ZFAND3: variants seen among roughly 807,000 people sequenced by gnomAD.
ZFAND3 encodes the protein AN1-type zinc finger protein 3.
In ZFAND3, 10 loss-of-function variants were observed where a neutral mutation model predicts 29.6. The ratio of observed to expected loss-of-function variants is 0.34; its 90% CI spans 0.21 to 0.57. The LOEUF (loss-of-function observed/expected upper bound fraction) is 0.57, where lower values mean the gene tolerates loss of function less well. ZFAND3 is among the 20% of genes least tolerant of loss of function. The pLI, the probability that ZFAND3 is intolerant of heterozygous loss-of-function variation, is 0.86. For missense variants in ZFAND3, 230 were observed against 304.5 expected (o/e 0.76, Z 1.82); for synonymous variants, 128 against 112.6 (o/e 1.14, Z -0.87).
At chr6:38,082,264 ACTACTTCTC>A in intron 3 of ZFAND3, 119 bp from the exon 4 acceptor site, 2 of 787,916 alleles carry the variant, frequency 2.5e-6, no homozygotes, top group Non-Finnish European at 4.0e-6. Flanking sequence ...CGTCTTTCCT[ACTACTTCTC>A]CTCGTTATAT....
At chr6:38,087,002 T>C (rs1764770970) in intron 4 of ZFAND3, among the ~76,000 whole-genome samples, 1 of 152,006 alleles carries the variant, frequency 6.6e-6, no homozygotes, top group Non-Finnish European at 1.5e-5. Context: ...TGTAGACCAA[T>C]GGAATGGAAT....
intron 2 of ZFAND3, among the ~76,000 whole-genome samples, chr6:37,945,175 C>CT (rs1761879726): frequency 6.6e-6 from 1 of 152,182 alleles, no homozygotes; most frequent in African/African-American, 2.4e-5. Flanking sequence ...AACCCACACT[C>CT]TGCTTTTCAG....
At chr6:37,834,572 C>T (rs1001522574) in intron 1 of ZFAND3, among the ~76,000 whole-genome samples, 3 of 152,166 alleles carry the variant, frequency 2.0e-5, no homozygotes, top group East Asian at 1.9e-4. Context: ...TAAGAAACTG[C>T]GAAACTCTAA....
intron 5 of ZFAND3, among the ~76,000 whole-genome samples, chr6:38,124,867 A>G (rs977283296): frequency 6.6e-6 from 1 of 152,206 alleles, no homozygotes; most frequent in South Asian, 2.1e-4. Flanking sequence ...GGCTGCCAGC[A>G]CGCTGTCACC....
At chr6:38,126,815 T>C (rs1765643923) in intron 5 of ZFAND3, among the ~76,000 whole-genome samples, 3 of 152,224 alleles carry the variant, frequency 2.0e-5, no homozygotes, top group Admixed American at 2.0e-4. Context: ...TTTAGGTGTT[T>C]CTCAGCCACA....
chr6:37,844,946 C>T (rs142161683), intron 1 of ZFAND3, among the ~76,000 whole-genome samples: 404 of 151,462 alleles, frequency 2.7e-3, no homozygotes, highest in African/African-American at 8.7e-3. Flanking sequence ...ATGGCATGAA[C>T]CCAGAAGGTG....
intron 4 of ZFAND3, among the ~76,000 whole-genome samples, chr6:38,087,824 A>G (rs1438125869): frequency 6.6e-6 from 1 of 152,228 alleles, no homozygotes; most frequent in Non-Finnish European, 1.5e-5. Context: ...CAGCCATTCC[A>G]CTGCTGGGTA....
chr6:37,994,302 G>A (rs1443073317), intron 2 of ZFAND3, among the ~76,000 whole-genome samples: 1 of 152,086 alleles, frequency 6.6e-6, no homozygotes, highest in Non-Finnish European at 1.5e-5. Context: ...CTTTTGTTTG[G>A]TTTTTATTTT....
rs1435589554 is a variant in ZFAND3 at position 37,840,589 on chromosome 6, G to GTC, written c.71+20573_71+20574insTC. ...CATCAGCTTGTCAGCTTGTCAGCTT[G>GTC]ATCAGCTTGTCAGCTTCTGCAAAAA... is the stretch of plus-strand genomic sequence containing the variant. On this transcript the variant is annotated intron_variant, in intron 1 of 5. Transcript: ENST00000287218. 4.6e-5 allele frequency among the ~76,000 whole-genome samples: 7 copies of GTC among 152,218 alleles called. No homozygotes were observed. In the East Asian group the frequency reaches 1.4e-3, roughly 29 times the overall value.
At position 38,073,449 on chromosome 6, in the gene ZFAND3, A is replaced by G. The variant is rs530725594; in HGVS notation, c.296-8943A>G. Among the ~76,000 whole-genome samples the G allele has an allele frequency of 7.9e-5, 12 of 152,174 alleles. No individual in the cohort carries two copies. The East Asian group carries it at 2.3e-3, about 29-fold the overall frequency. On this transcript the variant is annotated intron_variant, in intron 3 of 5. Transcript: ENST00000287218. ...CAAATGATGCAAATCTAGAAATCGG[A>G]GTTGAGCCTTAGTTAAGCCTGTAAA...
intron 2 of ZFAND3, among the ~76,000 whole-genome samples, chr6:37,940,133 G>T (rs949581105): frequency 6.6e-6 from 1 of 152,142 alleles, no homozygotes; most frequent in African/African-American, 2.4e-5. Context: ...GTATCAGAAT[G>T]ACCAGGCTTA....
chr6:37,983,598 A>G (rs1229617529), intron 2 of ZFAND3, among the ~76,000 whole-genome samples: 6 of 151,922 alleles, frequency 3.9e-5, no homozygotes, highest in Admixed American at 2.6e-4. Context: ...ACCTCAGGTG[A>G]TCCACCCGCC....
At chr6:38,072,646 T>TG (rs2127467568) in intron 3 of ZFAND3, among the ~76,000 whole-genome samples, 1 of 151,804 alleles carries the variant, frequency 6.6e-6, no homozygotes, top group East Asian at 1.9e-4. Context: ...AATGTTTGGC[T>TG]GAAAAAAAAA....
At chr6:37,906,038 T>G (rs1021012625) in intron 1 of ZFAND3, among the ~76,000 whole-genome samples, 2 of 152,166 alleles carry the variant, frequency 1.3e-5, no homozygotes, top group East Asian at 3.8e-4. Flanking sequence ...TAAATTATGG[T>G]ATAATACTTA....
At chr6:38,109,272 TC>T (rs1250530312) in intron 4 of ZFAND3, among the ~76,000 whole-genome samples, 1 of 148,678 alleles carries the variant, frequency 6.7e-6, no homozygotes, top group Non-Finnish European at 1.5e-5. Flanking sequence ...AACCTCCACC[TC>T]CTGCGTTCAA....
chr6:37,844,852 A>T (rs1581703684), intron 1 of ZFAND3, among the ~76,000 whole-genome samples: 2 of 143,838 alleles, frequency 1.4e-5, no homozygotes, highest in Admixed American at 7.0e-5. Context: ...GTCTCTACTA[A>T]AAAAAAAAAA....
chr6:37,976,328 T>A (rs1365246118), intron 2 of ZFAND3, among the ~76,000 whole-genome samples: 1 of 152,100 alleles, frequency 6.6e-6, no homozygotes, highest in Non-Finnish European at 1.5e-5. Context: ...ATGCCTGTAT[T>A]CCCAGCACTT....
intron 1 of ZFAND3, among the ~76,000 whole-genome samples, chr6:37,916,153 A>G (rs758492434): frequency 6.6e-6 from 1 of 152,078 alleles, no homozygotes; most frequent in Non-Finnish European, 1.5e-5. Context: ...AACAATGACA[A>G]TAGACATTAA....
intron 2 of ZFAND3, among the ~76,000 whole-genome samples, chr6:37,980,742 C>A (rs1762565091): frequency 6.6e-6 from 1 of 151,492 alleles, no homozygotes; most frequent in African/African-American, 2.4e-5. Flanking sequence ...TTTATGACTT[C>A]ATGATCTATC....
Sources: allele counts gnomAD v4.1 joint callset (sites outside exome capture counted in the v4.1 genomes callset), GRCh38; gene constraint gnomAD v4.1.1; transcripts MANE v1.5; gene names NCBI Gene and HGNC (gene_info 2026-07-23, HGNC 2026-07-21).